KCNU1: variants seen among roughly 807,000 people sequenced by gnomAD.
KCNU1 encodes potassium channel subfamily U member 1.
Under a neutral mutation model 126.8 loss-of-function variants are expected in KCNU1, and 93 were observed. The ratio of observed to expected loss-of-function variants is 0.73; its 90% CI spans 0.62 to 0.87. KCNU1 has a LOEUF of 0.87. Among genes scored for constraint, KCNU1 ranks in the 40% least tolerant of loss-of-function variants. The pLI is 0.00. For missense variants in KCNU1, 1,330 were observed against 1,367.1 expected (o/e 0.97, Z 0.43); for synonymous variants, 523 against 494.2 (o/e 1.06, Z -0.77).
chr8:36,926,347 G>C (rs1242710147), intron 24 of KCNU1, among the ~76,000 whole-genome samples: 4 of 152,114 alleles, frequency 2.6e-5, no homozygotes, highest in Non-Finnish European at 4.4e-5. Flanking sequence ...GGATTTTCAA[G>C]TTTATTTTAG....
At chr8:36,816,664 T>G (rs1803924854) in intron 9 of KCNU1, among the ~76,000 whole-genome samples, 1 of 152,206 alleles carries the variant, frequency 6.6e-6, no homozygotes, top group Non-Finnish European at 1.5e-5. Context: ...TAACTTAGGC[T>G]AAAATTATGT....
rs748652505 is a variant in KCNU1 at position 36,935,591 on chromosome 8, A to G, written c.3121A>G (p.Thr1041Ala). The G allele has an allele frequency of 3.7e-6, 6 of 1,613,140 alleles. No individual in the cohort carries two copies. In the East Asian group the frequency reaches 1.1e-4, roughly 30 times the overall value. The change falls in exon 27 of 27, where the codon ACT (threonine) becomes GCT (alanine). Residue 1041 changes from threonine (T) to alanine (A), a missense_variant. Transcript: ENST00000399881. Reference sequence around the variant, plus strand: ...TGTGTTTTGTGCCATACCCTTCAGCACTGCTTGTTATAAAAGGAATGAAGA... The same window carrying G: ...TGTGTTTTGTGCCATACCCTTCAGCGCTGCTTGTTATAAAAGGAATGAAGA... ...DLVFCAIPFS[T>A]ACYKRNEEFS...
intron 10 of KCNU1, among the ~76,000 whole-genome samples, chr8:36,832,361 T>C (rs1420579636): frequency 6.6e-6 from 1 of 152,218 alleles, no homozygotes; most frequent in Non-Finnish European, 1.5e-5. Context: ...AATATGGCCA[T>C]TTTCACGATA....
At chr8:36,843,166 GA>G (rs1224201778) in intron 16 of KCNU1, among the ~76,000 whole-genome samples, 1 of 152,098 alleles carries the variant, frequency 6.6e-6, no homozygotes, top group Admixed American at 6.5e-5. Flanking sequence ...ACTTTATTAA[GA>G]TGACGGTTAG....
intron 23 of KCNU1, 85 bp from the exon 24 acceptor site, chr8:36,922,405 G>C: frequency 7.3e-7 from 1 of 1,378,076 alleles, no homozygotes; most frequent in Non-Finnish European, 9.9e-7. Context: ...TTGATCAAGT[G>C]GTCGCCCCTT....
At chr8:36,834,500 T>C (rs1195159313) in intron 11 of KCNU1, among the ~76,000 whole-genome samples, 1 of 152,220 alleles carries the variant, frequency 6.6e-6, no homozygotes, top group Admixed American at 6.5e-5. Context: ...ATAATGGTGA[T>C]GGATGGTAGG....
chr8:36,905,658 C>A, intron 19 of KCNU1, 50 bp from the exon 20 acceptor site: 1 of 979,376 alleles, frequency 1.0e-6, no homozygotes, highest in Non-Finnish European at 1.7e-6. Context: ...GGCTTTGTTA[C>A]AGAGGAGCTC....
At chr8:36,892,623 T>C (rs1807012454) in intron 19 of KCNU1, among the ~76,000 whole-genome samples, 1 of 152,006 alleles carries the variant, frequency 6.6e-6, no homozygotes, top group Non-Finnish European at 1.5e-5. Flanking sequence ...GTTTATTGTA[T>C]ATTGACACTT....
chr8:36,886,306 A>C (rs1267319291), intron 19 of KCNU1, among the ~76,000 whole-genome samples: 1 of 152,242 alleles, frequency 6.6e-6, no homozygotes, highest in Non-Finnish European at 1.5e-5. Context: ...TTATTATCCA[A>C]TATAACATAT....
At chr8:36,851,306 T>C (rs1805334559) in intron 18 of KCNU1, among the ~76,000 whole-genome samples, 1 of 152,076 alleles carries the variant, frequency 6.6e-6, no homozygotes, top group Non-Finnish European at 1.5e-5. Flanking sequence ...GGGGATGGTT[T>C]CCCCCACGTT....
chr8:36,846,438 C>A (rs191981302), intron 18 of KCNU1, among the ~76,000 whole-genome samples: 2 of 152,276 alleles, frequency 1.3e-5, no homozygotes, highest in Non-Finnish European at 2.9e-5. Context: ...TACCAACACC[C>A]CTTTCCACTT....
chr8:36,911,006 C>G lies in KCNU1; in HGVS notation c.2408C>G (p.Pro803Arg), dbSNP rs372044676. Residue 803 changes from proline to arginine, a missense_variant, in exon 22 of 27, where the codon CCA (proline) becomes CGA (arginine). Transcript: ENST00000399881. ...TCCATGTGTGCTGTCTTGTCCCCCC[C>G]ACCCCAGCCATCAAGCAACCAGACT... ...QCSMCAVLSP[P>R]PQPSSNQTLV... 151 of 1,613,536 alleles carry G rather than the reference C, an allele frequency of 9.4e-5. No individual in the cohort carries two copies. Among genetic ancestry groups the G allele is most frequent in the Admixed American group, 2.2e-4 (13 of 59,982 alleles).
At chr8:36,824,657 C>T (rs139377328) in intron 10 of KCNU1, among the ~76,000 whole-genome samples, 16 of 152,154 alleles carry the variant, frequency 1.1e-4, no homozygotes, top group South Asian at 2.1e-4. Context: ...AACTACAGTT[C>T]GGACATTATA....
rs563114262 is a variant in KCNU1 at position 36,816,326 on chromosome 8, GT to G, written c.995+648del. ...TTCATGTTACCTTAGCTTCCATTAG[GT>G]TTTTTTTTCCCATCTAAGACAAAAA... On this transcript the variant is annotated intron_variant, in intron 9 of 26. Transcript: ENST00000399881. Among the ~76,000 whole-genome samples, 48 of 151,082 alleles carry G rather than the reference GT, an allele frequency of 3.2e-4. No homozygotes were observed. In the South Asian group the frequency reaches 7.6e-3, roughly 24 times the overall value.
intron 2 of KCNU1, among the ~76,000 whole-genome samples, chr8:36,793,463 A>G (rs1450643430): frequency 1.3e-5 from 2 of 151,930 alleles, no homozygotes; most frequent in African/African-American, 4.8e-5. Flanking sequence ...TCAGCTTATA[A>G]TGTTGTTTAA....
At chr8:36,922,391 T>A (rs1563338328) in intron 23 of KCNU1, 99 bp from the exon 24 acceptor site, 2 of 1,271,312 alleles carry the variant, frequency 1.6e-6, no homozygotes, top group Admixed American at 2.4e-5. Context: ...AGACATCAGA[T>A]CTTTTGATCA....
chr8:36,828,965 A>G (rs570250987), intron 10 of KCNU1, among the ~76,000 whole-genome samples: 66 of 152,222 alleles, frequency 4.3e-4, no homozygotes, highest in African/African-American at 1.4e-3. Context: ...AATGAAATCA[A>G]TGTCAAATGG....
intron 10 of KCNU1, among the ~76,000 whole-genome samples, chr8:36,833,283 T>A (rs1235713453): frequency 6.6e-6 from 1 of 152,180 alleles, no homozygotes; most frequent in Admixed American, 6.6e-5. Context: ...TTTTTTCATA[T>A]TTGCTTCTTA....
At chr8:36,916,979 A>C (rs904031505) in intron 22 of KCNU1, among the ~76,000 whole-genome samples, 2 of 152,186 alleles carry the variant, frequency 1.3e-5, no homozygotes, top group Non-Finnish European at 2.9e-5. Flanking sequence ...CCCTCTGGAA[A>C]CAAACCTCTC....
Sources: allele counts gnomAD v4.1 joint callset (sites outside exome capture counted in the v4.1 genomes callset), GRCh38; gene constraint gnomAD v4.1.1; transcripts MANE v1.5; gene names NCBI Gene and HGNC (gene_info 2026-07-23, HGNC 2026-07-21).